The following DDX54 variants were observed in gnomAD, a reference collection of about 807,000 sequenced individuals.
DDX54 encodes the protein DEAD-box helicase 54, also known as ATP-dependent RNA helicase DDX54.
A neutral mutation model predicts 105.5 loss-of-function variants in DDX54; 67 were observed. The ratio of observed to expected loss-of-function variants is 0.64; its 90% CI spans 0.52 to 0.78. The LOEUF is 0.78. Among genes scored for constraint, DDX54 ranks in the 30% least tolerant of loss-of-function variants. DDX54 has a pLI of 0.00. For missense variants in DDX54, 1,206 were observed against 1,230.5 expected, an observed-to-expected ratio of 0.98 and a Z score of 0.30; for synonymous variants, 514 against 509.9, an observed-to-expected ratio of 1.01 and a Z score of -0.11.
chr12:113,180,347 A>T (rs541086343), intron 2 of DDX54, among the ~76,000 whole-genome samples: 2 of 152,116 alleles, frequency 1.3e-5, no homozygotes, highest in South Asian at 4.2e-4. Flanking sequence ...CACAATGAGG[A>T]TGTCTGGAAT....
chr12:113,171,589 G>A (rs1374281890), intron 11 of DDX54, among the ~76,000 whole-genome samples: 4 of 147,944 alleles, frequency 2.7e-5, no homozygotes, highest in African/African-American at 1.0e-4. Flanking sequence ...GGGGTACAAA[G>A]CAAGACTCTC....
At position 113,166,711 on chromosome 12, in the gene DDX54, C is replaced by CA. The variant is rs201136992; in HGVS notation, c.1415-680dup. Among the ~76,000 whole-genome samples, 950 of 151,076 alleles carry CA rather than the reference C, an allele frequency of 6.3e-3. 45 individuals are homozygous for CA. In the East Asian group the frequency reaches 0.14, roughly 23 times the overall value. ...AACAAGACTTTGTCTCTCTTAAAAA[C>CA]AAAAAAACAAAAACAAAAAACAAAC... On this transcript the variant is annotated intron_variant, in intron 12 of 19. Coordinates refer to ENST00000306014, the MANE Select transcript of DDX54 (RefSeq NM_024072.4).
chr12:113,175,232 C>T (rs1475785845), intron 7 of DDX54, 75 bp from the exon 8 acceptor site: 2 of 1,513,016 alleles, frequency 1.3e-6, no homozygotes, highest in African/African-American at 1.4e-5. Context: ...CCATCCTTGT[C>T]CCCACAACTT....
chr12:113,175,156 G>C lies in DDX54; in HGVS notation c.754C>G (p.Leu252Val). The change falls in exon 8 of 20, where the codon CTT (leucine) becomes GTT (valine). Residue 252 changes from leucine (L) to valine (V), a missense_variant and splice_region_variant. By Grantham distance (32) the Leu-to-Val change is conservative (BLOSUM62 1). Transcript: ENST00000306014. The stretch of plus-strand genomic sequence containing the variant: ...TGCTCTGCGAAACCCATTTCAAAAA[G>C]CCTGGAAGGGTAGAGGGCAGGACTG... The part of the protein sequence containing the change: ...EYVVFDEADR[L>V]FEMGFAEQLQ... The C allele has an allele frequency of 6.2e-7, 1 of 1,606,450 alleles. No homozygotes were observed. The highest frequency in any genetic ancestry group is 1.1e-5 in the South Asian group (1 of 90,012).
At chr12:113,162,822 C>A (rs1413040349) in intron 17 of DDX54, 110 bp downstream of exon 17, 1 of 1,083,818 alleles carries the variant, frequency 9.2e-7, no homozygotes, top group African/African-American at 1.6e-5. Flanking sequence ...TCACTCACCC[C>A]GGGCATGGAG....
intron 1 of DDX54, among the ~76,000 whole-genome samples, chr12:113,183,127 T>C (rs889033481): frequency 1.3e-5 from 2 of 152,230 alleles, no homozygotes; most frequent in Non-Finnish European, 2.9e-5. Flanking sequence ...CCCAAAGTGC[T>C]GGGATTACGG....
intron 10 of DDX54, among the ~76,000 whole-genome samples, 181 bp from the exon 11 acceptor site, chr12:113,172,744 C>T (rs968627003): frequency 6.6e-6 from 1 of 152,180 alleles, no homozygotes; most frequent in African/African-American, 2.4e-5. Context: ...AGGAATGGAG[C>T]TTACAACACC....
chr12:113,175,113 G>A lies in DDX54; in HGVS notation c.797C>T (p.Ala266Val). 6.2e-7 allele frequency: 1 copy of A among 1,613,620 alleles called. No homozygotes were observed. The highest frequency in any genetic ancestry group is 1.3e-5 in the African/African-American group (1 of 75,048). ...GFAEQLQEIIARLPGGHQTVL... is the reference protein window; with the variant it reads ...GFAEQLQEIIVRLPGGHQTVL... ...CGTCTGGTGGCCCCCGGGGAGGCGG[G>A]CGATGATCTCCTGCAGCTGCTCTGC... Residue 266 changes from alanine (A) to valine (V), a missense_variant, in exon 8 of 20, where the codon GCC (alanine) becomes GTC (valine). By Grantham distance (64) the Ala-to-Val change is moderately conservative (BLOSUM62 0). Transcript: ENST00000306014.
intron 1 of DDX54, among the ~76,000 whole-genome samples, chr12:113,183,052 C>T (rs1052238993): frequency 5.9e-5 from 9 of 152,076 alleles, no homozygotes; most frequent in African/African-American, 1.7e-4. Flanking sequence ...GATGCAGTCT[C>T]GCCATGCATG....
chr12:113,179,963 T>TA lies in DDX54; in HGVS notation c.346dup (p.Tyr116LeufsTer72). ...CCTCTGGATGGGTGTTGGCACCTTG[T>TA]ACCCCTTCTTCATGATGCCTTTGAA... is the stretch of plus-strand genomic sequence containing the variant. On this transcript the variant is annotated frameshift_variant, in exon 3 of 20. Coordinates refer to ENST00000306014, the MANE Select transcript of DDX54 (RefSeq NM_024072.4). LOFTEE classifies it high-confidence loss of function. 1 of 1,614,122 alleles carries TA rather than the reference T, an allele frequency of 6.2e-7. No homozygotes were observed. Among genetic ancestry groups the TA allele is most frequent in the Admixed American group, 1.7e-5 (1 of 60,010 alleles).
In DDX54 at chr12:113,162,013, T is replaced by C; in HGVS notation, c.2196-16A>G. 1.2e-6 allele frequency: 2 copies of C among 1,610,620 alleles called. No homozygotes were observed. The highest frequency in any genetic ancestry group is 1.7e-4 in the Middle Eastern group (1 of 6,058). On this transcript the variant is annotated splice_polypyrimidine_tract_variant and intron_variant, in intron 17 of 19. Transcript: ENST00000306014. The stretch of plus-strand genomic sequence containing the variant: ...CTTACGGTCCCTGCAGGAGAGGGAG[T>C]TGGGACGGCTGCCGTGGAGGGAAAC...
intron 7 of DDX54, 61 bp from the exon 8 acceptor site, chr12:113,175,218 G>A (rs755315716): frequency 1.3e-5 from 20 of 1,529,034 alleles, no homozygotes; most frequent in Middle Eastern, 1.8e-4. Flanking sequence ...AGTTCCAACC[G>A]CAGCCATCCT....
intron 9 of DDX54, 35 bp downstream of exon 9, chr12:113,174,840 C>T (rs774956563): frequency 6.2e-6 from 10 of 1,614,194 alleles, no homozygotes; most frequent in Non-Finnish European, 8.5e-6. Context: ...CCCACCTGGA[C>T]ACAACCTCCT....
intron 5 of DDX54, chr12:113,177,321 T>C (rs550853852): frequency 3.7e-5 from 20 of 539,032 alleles, no homozygotes; most frequent in Middle Eastern, 4.9e-4. Context: ...TCTGAAGAGA[T>C]GGGCTCAACT....
At chr12:113,164,327 C>G in intron 14 of DDX54, 42 bp from the exon 15 acceptor site, 1 of 1,531,748 alleles carries the variant, frequency 6.5e-7, no homozygotes, top group Non-Finnish European at 8.8e-7. Context: ...TGGCCTCCTA[C>G]TCCTAACCCC....
At chr12:113,183,443 G>A (rs1952488796) in intron 1 of DDX54, among the ~76,000 whole-genome samples, 1 of 152,272 alleles carries the variant, frequency 6.6e-6, no homozygotes. Flanking sequence ...GCTGGAAGAT[G>A]AGAGAGGGAC....
intron 3 of DDX54, 141 bp from the exon 4 acceptor site, chr12:113,179,472 C>G (rs1276594525): frequency 1.1e-6 from 1 of 942,322 alleles, no homozygotes; most frequent in Non-Finnish European, 1.6e-6. Context: ...TGAGCCTATT[C>G]TTGCCCATTC....
Position 113,174,752 on chromosome 12 carries a change from C to T in DDX54, c.956G>A (p.Arg319Gln), listed in dbSNP as rs1446437409. 11 of 1,611,624 alleles carry T rather than the reference C, an allele frequency of 6.8e-6. No individual in the cohort carries two copies. In the Admixed American group the frequency reaches 1.0e-4, roughly 15 times the overall value. The change falls in exon 10 of 20, where the codon CGG (arginine) becomes CAG (glutamine). Residue 319 changes from arginine (R) to glutamine (Q), a missense_variant. By Grantham distance (43) the Arg-to-Gln change is conservative (BLOSUM62 1). Around this residue, in one of 3 missense-constraint regions of DDX54, gnomAD observed 961 missense variants for 1,019.1 expected, o/e 0.94. Transcript: ENST00000306014. The part of the protein sequence containing the change: ...EQLKTSFFLV[R>Q]EDTKAAVLLH... ...CAGCACGGCAGCCTTGGTGTCCTCCCGCACGAGGAAGAAGGAGGTCTGTGG... is the reference window on the plus strand; with the variant it reads ...CAGCACGGCAGCCTTGGTGTCCTCCTGCACGAGGAAGAAGGAGGTCTGTGG...
chr12:113,181,142 T>C (rs1952462263), intron 1 of DDX54, 84 bp from the exon 2 acceptor site: 1 of 1,467,150 alleles, frequency 6.8e-7, no homozygotes. Context: ...GCTGTTGCCC[T>C]CTCTCCCCCA....
Sources: gnomAD v4.1 joint callset for allele counts (sites outside exome capture counted in the v4.1 genomes callset) on GRCh38, gnomAD v4.1.1 for gene constraint, gnomAD v4.1.1 regional missense constraint, MANE v1.5 for transcripts, NCBI Gene and HGNC (gene_info 2026-07-23, HGNC 2026-07-21) for gene names.